ZNF608: variants seen among roughly 807,000 people sequenced by gnomAD.
The protein encoded by ZNF608 is zinc finger protein 608.
A neutral mutation model predicts 109.0 loss-of-function variants in ZNF608; 12 were observed. The ratio of observed to expected loss-of-function variants is 0.11; its 90% CI spans 0.07 to 0.18. The LOEUF (loss-of-function observed/expected upper bound fraction) is 0.18. ZNF608 is among the 10% of genes least tolerant of loss of function. The pLI is 1.00. For missense variants in ZNF608, 1,707 were observed against 1,879.3 expected, an observed-to-expected ratio of 0.91 and a Z score of 1.70; for synonymous variants, 732 against 717.4, an observed-to-expected ratio of 1.02 and a Z score of -0.33.
chr5:124,648,362 T>C lies in ZNF608; in HGVS notation c.2022A>G (p.Pro674=), dbSNP rs748208026. The change falls in exon 5 of 10, where the codon CCA becomes CCG. Residue 674 remains proline (P), a synonymous_variant. Transcript: ENST00000513986. ...KGLNNELNNL[P]VISNMTAALD... is the part of the protein sequence containing the mutation. ...ACGCAGCCGTCATGTTGGAGATTACTGGAAGGTTGTTCAGTTCATTGTTAA... is the reference window on the plus strand; with the variant it reads ...ACGCAGCCGTCATGTTGGAGATTACCGGAAGGTTGTTCAGTTCATTGTTAA... 7 of 1,614,128 alleles carry C rather than the reference T, an allele frequency of 4.3e-6. No homozygotes were observed. The African/African-American group carries it at 8.0e-5, about 18-fold the overall frequency.
chr5:124,689,455 A>G, intron 3 of ZNF608, among the ~76,000 whole-genome samples: 1 of 142,726 alleles, frequency 7.0e-6, no homozygotes, highest in African/African-American at 2.6e-5. Context: ...CCAGAGTAAG[A>G]CCCTGTCCCT....
chr5:124,710,364 A>C, intron 2 of ZNF608: 1 of 375,020 alleles, frequency 2.7e-6, no homozygotes, highest in South Asian at 2.0e-5. Flanking sequence ...AAAATTTTAC[A>C]CATTTGAATT....
chr5:124,649,671 T>C lies in ZNF608; in HGVS notation c.1189A>G (p.Arg397Gly). Residue 397 changes from arginine (R) to glycine (G), a missense_variant, in exon 4 of 10, where the codon AGG (arginine) becomes GGG (glycine). Arg to Gly is a moderately radical substitution (Grantham distance 125). Coordinates refer to ENST00000513986, the MANE Select transcript of ZNF608 (RefSeq NM_020747.3). ...EGVLVVNVTW[R>G]NKTYVGTLLD... ...AGGGTTCCCACGTACGTTTTGTTCC[T>C]CCACGTGACATTGACCACTAGGACA... The C allele has an allele frequency of 6.2e-7, 1 of 1,608,834 alleles. No homozygotes were observed. The highest frequency in any genetic ancestry group is 8.5e-7 in the Non-Finnish European group (1 of 1,176,360).
At chr5:124,734,573 T>A (rs1749059235) in intron 2 of ZNF608, 1 of 152,126 alleles carries the variant, frequency 6.6e-6, no homozygotes, top group African/African-American at 2.4e-5. Context: ...CTGATCTCAG[T>A]ACAACCACCC....
At position 124,647,428 on chromosome 5, in the gene ZNF608, A is replaced by T; in HGVS notation, c.2956T>A (p.Ser986Thr). 5.0e-6 allele frequency: 8 copies of T among 1,614,214 alleles called. No individual in the cohort carries two copies. Among genetic ancestry groups the T allele is most frequent in the Non-Finnish European group, 6.8e-6 (8 of 1,180,048 alleles). The stretch of plus-strand genomic sequence containing the variant: ...GAATGGGACTCTTTCAGTTGAGATG[A>T]TTGTGCTGTAGTTGAAGAATGCCCT... ...VKGHSSTTAQ[S>T]SQLKESHSPY... Residue 986 changes from serine to threonine, a missense_variant, in exon 5 of 10, where the codon TCA becomes ACA. Ser to Thr is a moderately conservative substitution (Grantham distance 58). Coordinates refer to ENST00000513986, the MANE Select transcript of ZNF608 (RefSeq NM_020747.3).
intron 2 of ZNF608, among the ~76,000 whole-genome samples, chr5:124,702,790 T>C (rs1753107458): frequency 6.6e-6 from 1 of 152,234 alleles, no homozygotes; most frequent in South Asian, 2.1e-4. Flanking sequence ...ACGCTTTTTA[T>C]TGTTCTGCAT....
At position 124,660,172 on chromosome 5, in the gene ZNF608, C is replaced by CTG. The variant is rs35200784; in HGVS notation, c.1163-10477_1163-10476dup. On this transcript the variant is annotated intron_variant, in intron 3 of 9. Transcript: ENST00000513986. ...AACAGAAGAACTGCCTCTCTTAACTCTGTGTGTGTGTGTGTGTGTGTGAGA... is the reference window on the plus strand; with the variant it reads ...AACAGAAGAACTGCCTCTCTTAACTCTGTGTGTGTGTGTGTGTGTGTGTGAGA... Among the ~76,000 whole-genome samples the CTG allele has an allele frequency of 4.1e-3, 612 of 150,356 alleles. 9 individuals carry two copies. The South Asian group carries it at 0.045, about 11-fold the overall frequency.
intron 7 of ZNF608, among the ~76,000 whole-genome samples, chr5:124,642,605 T>A (rs1385273321): frequency 6.6e-6 from 1 of 152,068 alleles, no homozygotes; most frequent in Non-Finnish European, 1.5e-5. Flanking sequence ...TCCATGCACA[T>A]TGATGGGGAG....
intron 3 of ZNF608, among the ~76,000 whole-genome samples, chr5:124,696,350 A>G (rs116788844): frequency 0.012 from 1,814 of 152,292 alleles, 45 homozygotes; most frequent in African/African-American, 0.041. Flanking sequence ...CCAGGTGCTG[A>G]GTCTTCTCAT....
chr5:124,734,961 A>T (rs769045790), intron 2 of ZNF608: 1 of 152,218 alleles, frequency 6.6e-6, no homozygotes, highest in African/African-American at 2.4e-5. Context: ...TCTTGAAAAG[A>T]TGGAAAAGTC....
chr5:124,747,523 C>T (rs1412431007), upstream of ZNF608, among the ~76,000 whole-genome samples: 1 of 151,036 alleles, frequency 6.6e-6, no homozygotes, highest in Non-Finnish European at 1.5e-5. Context: ...AATTGGTTGT[C>T]GTGAGAACAA....
chr5:124,744,522 A>T lies in ZNF608; in HGVS notation c.468T>A (p.Ser156Arg). ...GGTTGCCGCTGCCGCCGCTGCTCAC[A>T]CTTTGACCCAGCGCTGAATTCATGC... ...ATGMNSALGQSVSSGGSGNPN... is the reference protein window; with the variant it reads ...ATGMNSALGQRVSSGGSGNPN... The change falls in exon 2 of 10, where the codon AGT becomes AGA. Residue 156 changes from serine (S) to arginine (R), a missense_variant. Physicochemically the swap from Ser to Arg is moderately radical, Grantham distance 110 (BLOSUM62 -1). This residue lies in a region of ZNF608 where 407 missense variants were observed against 398.7 expected (regional missense o/e 1.02). Coordinates refer to ENST00000513986, the MANE Select transcript of ZNF608 (RefSeq NM_020747.3). The surrounding 1 kb of genome is among the most constrained non-coding windows in gnomAD (Gnocchi z 4.5). 6.2e-7 allele frequency: 1 copy of T among 1,614,004 alleles called. No individual in the cohort carries two copies. The highest frequency in any genetic ancestry group is 8.5e-7 in the Non-Finnish European group (1 of 1,179,996).
At chr5:124,694,142 A>ATTTTTTTTTTTTTTTTTTTTT (rs11320730) in intron 3 of ZNF608, among the ~76,000 whole-genome samples, 4 of 63,936 alleles carry the variant, frequency 6.3e-5, no homozygotes, top group Non-Finnish European at 1.1e-4. Flanking sequence ...CGCTCGGCTA[A>ATTTTTTTTTTTTTTTTTTTTT]TTTTTTTTTT....
At chr5:124,690,965 A>G (rs939431816) in intron 3 of ZNF608, among the ~76,000 whole-genome samples, 1 of 151,524 alleles carries the variant, frequency 6.6e-6, no homozygotes, top group Admixed American at 6.6e-5. Context: ...ATAATGGAAA[A>G]GTGTGCAAAA....
At chr5:124,748,257 A>G (rs1249972728), upstream of ZNF608, among the ~76,000 whole-genome samples, 1 of 152,158 alleles carries the variant, frequency 6.6e-6, no homozygotes, top group African/African-American at 2.4e-5. Flanking sequence ...GCAGACCAGG[A>G]TATGCAACTG....
Position 124,649,617 on chromosome 5 carries a change from G to C in ZNF608, c.1243C>G (p.Pro415Ala), listed in dbSNP as rs781652525. Residue 415 changes from proline (P) to alanine (A), a missense_variant, in exon 4 of 10, where the codon CCT (proline) becomes GCT (alanine). By Grantham distance (27) the Pro-to-Ala change is conservative (BLOSUM62 -1). Coordinates refer to ENST00000513986, the MANE Select transcript of ZNF608 (RefSeq NM_020747.3). Reference protein sequence around the residue: ...LLDCTKHDWAPPRFCESPTSD... With the variant: ...LLDCTKHDWAAPRFCESPTSD... Reference sequence around the variant, plus strand: ...AAAAGGCCCTGTTCATACCTGGGAGGGGCCCAGTCGTGCTTGGTGCAGTCC... The same window carrying C: ...AAAAGGCCCTGTTCATACCTGGGAGCGGCCCAGTCGTGCTTGGTGCAGTCC... 6.2e-7 allele frequency: 1 copy of C among 1,611,278 alleles called. No individual in the cohort carries two copies. The highest frequency in any genetic ancestry group is 8.5e-7 in the Non-Finnish European group (1 of 1,178,842).
intron 2 of ZNF608, among the ~76,000 whole-genome samples, chr5:124,718,493 A>G (rs1489686070): frequency 6.6e-6 from 1 of 152,210 alleles, no homozygotes; most frequent in African/African-American, 2.4e-5. Flanking sequence ...CTGCTGTCTA[A>G]TCATTAGTAG....
Position 124,646,980 on chromosome 5 carries a change from A to G in ZNF608, c.3404T>C (p.Leu1135Ser), listed in dbSNP as rs780782486. 6.2e-7 allele frequency: 1 copy of G among 1,614,044 alleles called. No homozygotes were observed. The highest frequency in any genetic ancestry group is 1.1e-5 in the South Asian group (1 of 91,070). Residue 1135 changes from leucine (L) to serine (S), a missense_variant, in exon 5 of 10, where the codon TTG becomes TCG. By Grantham distance (145) the Leu-to-Ser change is moderately radical. Coordinates refer to ENST00000513986, the MANE Select transcript of ZNF608 (RefSeq NM_020747.3). ...AGTTTCCTCCTTGCCCAGCTCTTTC[A>G]AGGGGAGCTCACTTTTCCTTTCACA... ...GDCERKSELP[L>S]KELGKEETKQ...
At chr5:124,686,900 A>G (rs1186408599) in intron 3 of ZNF608, among the ~76,000 whole-genome samples, 1 of 152,260 alleles carries the variant, frequency 6.6e-6, no homozygotes, top group African/African-American at 2.4e-5. Context: ...TCTCTGAGGC[A>G]CAGGAAGTGG....
Sources: gnomAD v4.1 joint callset for allele counts (sites outside exome capture counted in the v4.1 genomes callset) on GRCh38, gnomAD v4.1.1 for gene constraint, gnomAD v4.1.1 regional missense constraint, Gnocchi (gnomAD v3.1) non-coding constraint, MANE v1.5 for transcripts, NCBI Gene and HGNC (gene_info 2026-07-23, HGNC 2026-07-21) for gene names.